SLC38A6: variants seen among roughly 807,000 people sequenced by gnomAD.
The protein encoded by SLC38A6 is solute carrier family 38 member 6.
A neutral mutation model predicts 65.0 loss-of-function variants in SLC38A6; 73 were observed. That is an observed-to-expected ratio of 1.12 (90% CI 0.93 to 1.37). The LOEUF (loss-of-function observed/expected upper bound fraction) is 1.37. Among genes scored for constraint, SLC38A6 ranks in the 40% most tolerant of loss-of-function variants. The pLI is 0.00. For missense variants in SLC38A6, 561 were observed against 531.1 expected, an observed-to-expected ratio of 1.06 and a Z score of -0.55; for synonymous variants, 183 against 178.8, an observed-to-expected ratio of 1.02 and a Z score of -0.19.
intron 5 of SLC38A6, among the ~76,000 whole-genome samples, chr14:61,020,821 T>G (rs2040306515): frequency 6.6e-6 from 1 of 152,164 alleles, no homozygotes; most frequent in Admixed American, 6.5e-5. Context: ...TGATGTATAT[T>G]TTTATATTTT....
intron 3 of SLC38A6, among the ~76,000 whole-genome samples, chr14:60,995,003 C>CAAA (rs34888148): frequency 5.5e-4 from 40 of 73,068 alleles, no homozygotes; most frequent in East Asian, 2.6e-3. Flanking sequence ...GACTCCATCT[C>CAAA]AAAAAAAAAA....
At chr14:61,017,396 A>G (rs2139558220) in intron 4 of SLC38A6, among the ~76,000 whole-genome samples, 1 of 152,302 alleles carries the variant, frequency 6.6e-6, no homozygotes. Context: ...ATATAGCATC[A>G]TGGCTTGGAC....
intron 15 of SLC38A6, among the ~76,000 whole-genome samples, chr14:61,062,268 A>G (rs1437982685): frequency 1.3e-5 from 2 of 152,200 alleles, no homozygotes; most frequent in Admixed American, 6.5e-5. Context: ...TGGCTGTAAC[A>G]TTTTATATTC....
chr14:60,999,071 T>A (rs1212085056), intron 3 of SLC38A6, among the ~76,000 whole-genome samples: 1 of 152,238 alleles, frequency 6.6e-6, no homozygotes, highest in Non-Finnish European at 1.5e-5. Context: ...CTGTTATTAG[T>A]AGTACATAAA....
At chr14:61,061,536 C>G (rs2042841532) in intron 15 of SLC38A6, among the ~76,000 whole-genome samples, 1 of 152,184 alleles carries the variant, frequency 6.6e-6, no homozygotes, top group South Asian at 2.1e-4. Context: ...TACATTTCCA[C>G]TGATCATTTT....
At chr14:61,042,462 A>G (rs2041870479) in intron 8 of SLC38A6, among the ~76,000 whole-genome samples, 1 of 152,226 alleles carries the variant, frequency 6.6e-6, no homozygotes, top group Non-Finnish European at 1.5e-5. Flanking sequence ...TATAGGTCTG[A>G]TAACAGGATG....
intron 15 of SLC38A6, among the ~76,000 whole-genome samples, chr14:61,070,300 T>C (rs1196000224): frequency 6.6e-6 from 1 of 152,234 alleles, no homozygotes; most frequent in African/African-American, 2.4e-5. Context: ...CAAGGAATCA[T>C]GTAGTATTTT....
intron 5 of SLC38A6, among the ~76,000 whole-genome samples, chr14:61,022,493 TATAATAA>T (rs1467055484): frequency 1.1e-4 from 17 of 149,136 alleles, no homozygotes; most frequent in African/African-American, 4.2e-4. Context: ...ACAGTTTTAT[TATAATAA>T]ATAAGTTAAT....
rs919077090 is a variant in SLC38A6, at chr14:60,994,976, C to T, written c.310+10173C>T. Among the ~76,000 whole-genome samples the T allele has an allele frequency of 3.1e-5, 4 of 128,854 alleles. No homozygotes were observed. The Admixed American group carries it at 3.8e-4, about 12-fold the overall frequency. 84.5% of individuals were successfully genotyped at this position (128,854 alleles called of 152,430 possible). A position where few individuals can be genotyped will look rare whatever the true frequency, so the allele number is the denominator to read the frequency against. On this transcript the variant is annotated intron_variant, in intron 3 of 15. Coordinates refer to ENST00000267488, the MANE Select transcript of SLC38A6 (RefSeq NM_153811.3). ...CTGAAATCGTGCCACTGCACTCCAG[C>T]CTGGGCGACAGAGCAAGACTCCATC...
At chr14:61,073,488 T>C (rs1406536580) in intron 15 of SLC38A6, among the ~76,000 whole-genome samples, 1 of 152,210 alleles carries the variant, frequency 6.6e-6, no homozygotes, top group African/African-American at 2.4e-5. Context: ...CATTCATTTA[T>C]ATTTTTCTTC....
intron 3 of SLC38A6, among the ~76,000 whole-genome samples, chr14:60,999,168 C>T (rs1394876191): frequency 6.6e-6 from 1 of 152,176 alleles, no homozygotes; most frequent in South Asian, 2.1e-4. Context: ...TGAGAAGCCA[C>T]TGAGGTTGTT....
At chr14:61,004,337 G>A (rs2038925889) in intron 3 of SLC38A6, 1 of 152,124 alleles carries the variant, frequency 6.6e-6, no homozygotes, top group Admixed American at 6.6e-5. Context: ...CTCACTGACA[G>A]AGAAACTGAT....
chr14:61,009,754 G>A (rs2039415901), intron 3 of SLC38A6, among the ~76,000 whole-genome samples: 1 of 152,168 alleles, frequency 6.6e-6, no homozygotes, highest in Non-Finnish European at 1.5e-5. Context: ...GTGTATATGT[G>A]CCACATTTTC....
At chr14:61,019,609 C>A (rs1449254478) in intron 5 of SLC38A6, 29 bp downstream of exon 5, 19 of 1,605,958 alleles carry the variant, frequency 1.2e-5, no homozygotes, top group South Asian at 4.4e-5. Context: ...ACTGTTTATA[C>A]ATAAATGTGA....
chr14:61,069,115 A>G (rs1467416164), intron 15 of SLC38A6, among the ~76,000 whole-genome samples: 4 of 152,106 alleles, frequency 2.6e-5, no homozygotes, highest in African/African-American at 9.7e-5. Flanking sequence ...TTAAATCCAA[A>G]TCTCTGAGGG....
In SLC38A6 at chr14:60,994,934, A is replaced by T. The variant is rs144369552; in HGVS notation, c.310+10131A>T. 4.0e-3 allele frequency among the ~76,000 whole-genome samples: 536 copies of T among 134,184 alleles called. 3 individuals carry two copies. Among genetic ancestry groups the T allele is most frequent in the African/African-American group, 0.014 (499 of 36,232 alleles). 88.0% of individuals were successfully genotyped at this position (134,184 alleles called of 152,430 possible). On this transcript the variant is annotated intron_variant, in intron 3 of 15. Coordinates refer to ENST00000267488, the MANE Select transcript of SLC38A6 (RefSeq NM_153811.3). ...CAGGAGAATCACTTCAACCCAGGTG[A>T]TGGAGGTTGCAGTGAGCTGAAATCG...
intron 2 of SLC38A6, among the ~76,000 whole-genome samples, chr14:60,983,897 A>G (rs2037262755): frequency 3.3e-5 from 5 of 152,166 alleles, no homozygotes; most frequent in African/African-American, 1.2e-4. Flanking sequence ...ATTTTTGGTG[A>G]TGCTAAAGTG....
At chr14:61,016,426 G>A (rs1375369520) in intron 4 of SLC38A6, among the ~76,000 whole-genome samples, 3 of 152,226 alleles carry the variant, frequency 2.0e-5, no homozygotes, top group African/African-American at 4.8e-5. Flanking sequence ...TCATTTATAG[G>A]TGAGGAAATT....
intron 6 of SLC38A6, among the ~76,000 whole-genome samples, chr14:61,034,746 T>C (rs1409965324): frequency 6.6e-6 from 1 of 152,158 alleles, no homozygotes; most frequent in Non-Finnish European, 1.5e-5. Context: ...ATACCAGGAA[T>C]TGAGGGGCAT....
Sources: allele counts gnomAD v4.1 joint callset (sites outside exome capture counted in the v4.1 genomes callset), GRCh38; gene constraint gnomAD v4.1.1; transcripts MANE v1.5; gene names NCBI Gene and HGNC (gene_info 2026-07-23, HGNC 2026-07-21).